NIBAN1: variants seen among roughly 807,000 people sequenced by gnomAD.
The protein encoded by NIBAN1 is protein Niban 1.
A neutral mutation model predicts 75.1 loss-of-function variants in NIBAN1; 81 were observed. The observed-to-expected ratio is 1.08, with a 90% CI of 0.90 to 1.30. NIBAN1 has a LOEUF of 1.30. NIBAN1 is among the 50% of genes most tolerant of loss of function. The pLI, the probability that NIBAN1 is intolerant of heterozygous loss-of-function variation, is 0.00. For synonymous variants in NIBAN1, 436 were observed against 424.8 expected (o/e 1.03, Z -0.32); for missense variants, 1,133 against 1,128.1 (o/e 1.00, Z -0.06).
chr1:184,821,349 T>C (rs1318554124), intron 8 of NIBAN1: 4 of 152,200 alleles, frequency 2.6e-5, no homozygotes, highest in Admixed American at 2.6e-4. Flanking sequence ...GAAAGCGCAC[T>C]TCCTTGTTTT....
intron 5 of NIBAN1, among the ~76,000 whole-genome samples, chr1:184,871,368 A>AAT (rs1400138720): frequency 8.2e-6 from 1 of 121,806 alleles, no homozygotes; most frequent in East Asian, 2.6e-4. Flanking sequence ...AAAAAAAAAA[A>AAT]AAAAAGAGGA....
At chr1:184,864,050 T>A (rs1035488086) in intron 5 of NIBAN1, among the ~76,000 whole-genome samples, 7 of 152,218 alleles carry the variant, frequency 4.6e-5, no homozygotes, top group African/African-American at 1.7e-4. Context: ...GAATATATAA[T>A]CCTTTAGTTG....
At chr1:184,933,925 A>T in intron 1 of NIBAN1, among the ~76,000 whole-genome samples, 1 of 152,202 alleles carries the variant, frequency 6.6e-6, no homozygotes, top group Admixed American at 6.5e-5. Flanking sequence ...CTGAGAACCA[A>T]CTGACCTCCC....
At chr1:184,854,020 A>T (rs902851563) in intron 5 of NIBAN1, among the ~76,000 whole-genome samples, 1 of 152,236 alleles carries the variant, frequency 6.6e-6, no homozygotes, top group Non-Finnish European at 1.5e-5. Flanking sequence ...GTTTTATTTA[A>T]CCCCAAATAT....
intron 4 of NIBAN1, among the ~76,000 whole-genome samples, chr1:184,887,075 C>A (rs1462041373): frequency 6.6e-6 from 1 of 152,126 alleles, no homozygotes; most frequent in Non-Finnish European, 1.5e-5. Context: ...GAGCCGAGAT[C>A]ATGCCACTGC....
intron 5 of NIBAN1, among the ~76,000 whole-genome samples, chr1:184,879,058 A>G (rs1256971062): frequency 6.6e-6 from 1 of 152,208 alleles, no homozygotes; most frequent in Non-Finnish European, 1.5e-5. Context: ...GCTAAACTCC[A>G]GAAGAGAATG....
At chr1:184,892,383 T>C (rs1013430507) in intron 3 of NIBAN1, among the ~76,000 whole-genome samples, 1 of 152,164 alleles carries the variant, frequency 6.6e-6, no homozygotes, top group Non-Finnish European at 1.5e-5. Flanking sequence ...TCAAAGCCCA[T>C]AGTATGAACC....
Position 184,808,167 on chromosome 1 carries a change from G to A in NIBAN1, c.1242C>T (p.Asn414=), listed in dbSNP as rs1420159902. The A allele has an allele frequency of 6.2e-7, 1 of 1,614,072 alleles. No individual in the cohort carries two copies. ...GATCCTGCAGGCGCTCGTGAAGCAG[G>A]TTGACTTTAGTATAACAAGGTTCCA... ...VKMEPCYTKV[N]LLHERLQDLK... Residue 414 remains asparagine (N), a synonymous_variant, in exon 10 of 14, where the codon AAC becomes AAT. Coordinates refer to ENST00000367511, the MANE Select transcript of NIBAN1 (RefSeq NM_052966.4).
intron 5 of NIBAN1, among the ~76,000 whole-genome samples, chr1:184,866,287 C>A (rs1655955056): frequency 6.6e-6 from 1 of 152,134 alleles, no homozygotes; most frequent in Non-Finnish European, 1.5e-5. Flanking sequence ...GGGCTTTCAC[C>A]TACCTGAAAG....
At chr1:184,859,852 CCATTGCTCAGCA>C (rs1655771289) in intron 5 of NIBAN1, among the ~76,000 whole-genome samples, 1 of 152,046 alleles carries the variant, frequency 6.6e-6, no homozygotes, top group Admixed American at 6.6e-5. Flanking sequence ...GGTGAGGATG[CCATTGCTCAGCA>C]AGGAGCTGAG....
intron 12 of NIBAN1, among the ~76,000 whole-genome samples, chr1:184,801,867 A>T (rs539793638): frequency 3.3e-5 from 5 of 152,376 alleles, no homozygotes; most frequent in African/African-American, 4.8e-5. Context: ...ATATACTGTC[A>T]TGAAGTGACC....
intron 1 of NIBAN1, among the ~76,000 whole-genome samples, chr1:184,924,088 C>G (rs776503608): frequency 3.3e-5 from 5 of 151,806 alleles, no homozygotes; most frequent in East Asian, 1.9e-4. Context: ...TCTGATTGCT[C>G]TAGCTGGGAT....
At chr1:184,929,355 A>C (rs1190491894) in intron 1 of NIBAN1, among the ~76,000 whole-genome samples, 1 of 152,194 alleles carries the variant, frequency 6.6e-6, no homozygotes, top group Non-Finnish European at 1.5e-5. Context: ...TCACACCAAA[A>C]ACCCAATCTT....
chr1:184,899,466 A>G (rs919446163), intron 1 of NIBAN1, among the ~76,000 whole-genome samples, 157 bp from the exon 2 acceptor site: 6 of 152,004 alleles, frequency 3.9e-5, no homozygotes, highest in Admixed American at 2.6e-4. Context: ...GATATTTGCC[A>G]GTAGTCTGTC....
At chr1:184,798,057 A>C in intron 13 of NIBAN1, 22 bp downstream of exon 13, 1 of 1,533,424 alleles carries the variant, frequency 6.5e-7, no homozygotes, top group Non-Finnish European at 9.0e-7. Context: ...GTGTCCCTGC[A>C]GCACCAGGTA....
intron 9 of NIBAN1, among the ~76,000 whole-genome samples, chr1:184,813,124 A>G (rs1423790107): frequency 6.6e-6 from 1 of 152,208 alleles, no homozygotes; most frequent in Non-Finnish European, 1.5e-5. Context: ...CAAGGACTCC[A>G]CCATAAAGCC....
In NIBAN1 at chr1:184,791,706, C is replaced by G. The variant is rs1043530487; in HGVS notation, c.*3271G>C. On this transcript the variant is annotated 3_prime_UTR_variant, in exon 14 of 14. Coordinates refer to ENST00000367511, the MANE Select transcript of NIBAN1 (RefSeq NM_052966.4). ...TTTATGCATTTCTAATGGCTTTGCCCATAGGAGAGATACCCAGAGTGGCAA... is the reference window on the plus strand; with the variant it reads ...TTTATGCATTTCTAATGGCTTTGCCGATAGGAGAGATACCCAGAGTGGCAA... 3 of 151,922 alleles carry G rather than the reference C, an allele frequency of 2.0e-5. No homozygotes were observed. The highest frequency in any genetic ancestry group is 7.3e-5 in the African/African-American group (3 of 41,348). 9.4% of individuals were successfully genotyped at this position (151,922 alleles called of 1,614,324 possible). A position where few individuals can be genotyped will look rare whatever the true frequency, so the allele number is the denominator to read the frequency against.
intron 10 of NIBAN1, among the ~76,000 whole-genome samples, chr1:184,806,418 C>T (rs764939723): frequency 6.6e-5 from 10 of 152,118 alleles, no homozygotes; most frequent in South Asian, 4.1e-4. Context: ...AGATGTAAAC[C>T]GCTCCACAGC....
At position 184,838,150 on chromosome 1, in the gene NIBAN1, A is replaced by G. The variant is rs535745798; in HGVS notation, c.602-6188T>C. Among the ~76,000 whole-genome samples the G allele has an allele frequency of 2.6e-5, 4 of 152,252 alleles. No homozygotes were observed. In the South Asian group the frequency reaches 6.2e-4, roughly 24 times the overall value. On this transcript the variant is annotated intron_variant, in intron 5 of 13. Transcript: ENST00000367511. ...TTATAAATCCTTATACCTTTTTCATATAAAACTCTTGCCAATATAAGCCTC... is the reference window on the plus strand; with the variant it reads ...TTATAAATCCTTATACCTTTTTCATGTAAAACTCTTGCCAATATAAGCCTC...
Sources: allele counts gnomAD v4.1 joint callset (sites outside exome capture counted in the v4.1 genomes callset), GRCh38; gene constraint gnomAD v4.1.1; transcripts MANE v1.5; gene names NCBI Gene and HGNC (gene_info 2026-07-23, HGNC 2026-07-21).